GABRB1: variants seen among roughly 807,000 people sequenced by gnomAD.
The protein encoded by GABRB1 is gamma-aminobutyric acid receptor subunit beta-1.
In GABRB1, 17 loss-of-function variants were observed where a neutral mutation model predicts 51.6. The ratio of observed to expected loss-of-function variants is 0.33; its 90% CI spans 0.23 to 0.49. The LOEUF is 0.49. Among genes scored for constraint, GABRB1 ranks in the 20% least tolerant of loss-of-function variants. The pLI is 0.99. For synonymous variants in GABRB1, 247 were observed against 218.9 expected (o/e 1.13, Z -1.14); for missense variants, 410 against 600.6 (o/e 0.68, Z 3.32).
At chr4:47,206,866 A>ATG (rs753576071) in intron 4 of GABRB1, among the ~76,000 whole-genome samples, 1 of 151,414 alleles carries the variant, frequency 6.6e-6, no homozygotes, top group East Asian at 1.9e-4. Flanking sequence ...ATGTATATAT[A>ATG]TGTGTGTGTG....
At chr4:47,067,555 T>C (rs1727141787) in intron 3 of GABRB1, among the ~76,000 whole-genome samples, 1 of 152,196 alleles carries the variant, frequency 6.6e-6, no homozygotes, top group Non-Finnish European at 1.5e-5. Context: ...CTTGCTGCTT[T>C]ACTTTGGACT....
intron 5 of GABRB1, among the ~76,000 whole-genome samples, chr4:47,387,664 C>T (rs1727846220): frequency 6.6e-6 from 1 of 152,190 alleles, no homozygotes; most frequent in South Asian, 2.1e-4. Context: ...AGTGACTAGA[C>T]TTTGCTAGCC....
intron 8 of GABRB1, among the ~76,000 whole-genome samples, chr4:47,412,995 C>G (rs1295627391): frequency 2.6e-5 from 4 of 152,182 alleles, no homozygotes; most frequent in African/African-American, 9.7e-5. Flanking sequence ...CTGTACTGTA[C>G]TCGGGTGAAA....
At chr4:47,007,522 A>T (rs1188223278) in intron 1 of GABRB1, among the ~76,000 whole-genome samples, 1 of 152,216 alleles carries the variant, frequency 6.6e-6, no homozygotes, top group African/African-American at 2.4e-5. Flanking sequence ...CTTCACTGAC[A>T]TAGAGAGAAT....
At chr4:47,296,336 C>T (rs1723991944) in intron 4 of GABRB1, among the ~76,000 whole-genome samples, 1 of 152,022 alleles carries the variant, frequency 6.6e-6, no homozygotes, top group Non-Finnish European at 1.5e-5. Flanking sequence ...GAGTCAAGAC[C>T]CATCAGTGTG....
chr4:47,250,935 A>C (rs1225833334), intron 4 of GABRB1, among the ~76,000 whole-genome samples: 2 of 151,676 alleles, frequency 1.3e-5, no homozygotes, highest in Non-Finnish European at 2.9e-5. Context: ...TAACCTCCTC[A>C]TTCTTTTTCA....
chr4:47,395,259 G>C (rs1728142137), intron 5 of GABRB1, among the ~76,000 whole-genome samples: 1 of 152,136 alleles, frequency 6.6e-6, no homozygotes, highest in African/African-American at 2.4e-5. Flanking sequence ...CAAAGGCTTG[G>C]AGGCCTCAGG....
At chr4:47,046,549 C>T (rs1726099497) in intron 3 of GABRB1, among the ~76,000 whole-genome samples, 1 of 151,924 alleles carries the variant, frequency 6.6e-6, no homozygotes, top group Admixed American at 6.6e-5. Context: ...CCACTAATGG[C>T]ACCAAAAAAG....
intron 1 of GABRB1, among the ~76,000 whole-genome samples, chr4:47,025,556 T>C (rs148207414): frequency 0.021 from 3,210 of 152,038 alleles, 53 homozygotes; most frequent in Non-Finnish European, 0.035. Flanking sequence ...ACTGTCACTA[T>C]GTCATATTCT....
In GABRB1 at chr4:47,398,018, C is replaced by T. The variant is rs1728238301; in HGVS notation, c.545-5300C>T. 4.6e-5 allele frequency among the ~76,000 whole-genome samples: 7 copies of T among 152,278 alleles called. No homozygotes were observed. In the South Asian group the frequency reaches 1.4e-3, roughly 32 times the overall value. On this transcript the variant is annotated intron_variant, in intron 5 of 8. Transcript: ENST00000295454. ...AACTTACGATGTTGAGTTTTCCTTT[C>T]AAAAATATGCTATGCCTTTTATTTG...
rs79342677 is a variant in GABRB1 at position 47,347,595 on chromosome 4, T to C, written c.544+27386T>C. The stretch of plus-strand genomic sequence containing the variant: ...CTATGATTATGTTAAGTAATGCTGA[T>C]GAACAAAGTGTTAAGTTTGAAAGAT... On this transcript the variant is annotated intron_variant, in intron 5 of 8. Transcript: ENST00000295454. Among the ~76,000 whole-genome samples the C allele has an allele frequency of 8.4e-3, 1,271 of 152,196 alleles. 17 individuals are homozygous for C. The highest frequency in any genetic ancestry group is 0.029 in the African/African-American group (1,207 of 41,520).
At chr4:47,132,602 G>T (rs982193914) in intron 3 of GABRB1, among the ~76,000 whole-genome samples, 1 of 152,064 alleles carries the variant, frequency 6.6e-6, no homozygotes, top group Admixed American at 6.6e-5. Context: ...AGGTACAATT[G>T]TATTGCAATG....
chr4:47,096,330 G>C (rs1205782912), intron 3 of GABRB1, among the ~76,000 whole-genome samples: 1 of 152,160 alleles, frequency 6.6e-6, no homozygotes, highest in East Asian at 1.9e-4. Flanking sequence ...GAAGTACAAA[G>C]TCCTGGAAAT....
At chr4:47,325,954 T>C (rs1376664646) in intron 5 of GABRB1, among the ~76,000 whole-genome samples, 1 of 152,190 alleles carries the variant, frequency 6.6e-6, no homozygotes, top group Non-Finnish European at 1.5e-5. Flanking sequence ...AGAGTCCTCA[T>C]GAATGGGAAA....
chr4:47,218,648 A>G (rs1420485284), intron 4 of GABRB1, among the ~76,000 whole-genome samples: 2 of 151,820 alleles, frequency 1.3e-5, no homozygotes, highest in African/African-American at 2.4e-5. Context: ...AGAAATGTCT[A>G]TTCAGATGGC....
intron 4 of GABRB1, among the ~76,000 whole-genome samples, chr4:47,209,798 G>A (rs1720282028): frequency 6.9e-6 from 1 of 145,064 alleles, no homozygotes; most frequent in East Asian, 2.2e-4. Context: ...GGGTACTTTA[G>A]TAAAAAAAAA....
Position 47,044,710 on chromosome 4 carries a change from G to T in GABRB1, c.240+12226G>T, listed in dbSNP as rs765024050. Among the ~76,000 whole-genome samples, 3 of 151,962 alleles carry T rather than the reference G, an allele frequency of 2.0e-5. No homozygotes were observed. In the East Asian group the frequency reaches 5.8e-4, roughly 29 times the overall value. On this transcript the variant is annotated intron_variant, in intron 3 of 8. Transcript: ENST00000295454. Reference sequence around the variant, plus strand: ...CCTCTTTAATGCCAAGACACCAGGGGTAACATTAACTCACATTATGCATAT... The same window carrying T: ...CCTCTTTAATGCCAAGACACCAGGGTTAACATTAACTCACATTATGCATAT...
chr4:47,221,670 G>GA (rs1720768477), intron 4 of GABRB1, among the ~76,000 whole-genome samples: 2 of 151,954 alleles, frequency 1.3e-5, no homozygotes, highest in African/African-American at 4.8e-5. Flanking sequence ...ATTGCTCTTA[G>GA]AAAAAATGCA....
chr4:47,029,174 A>G (rs1161602756), upstream of GABRB1, among the ~76,000 whole-genome samples: 1 of 151,964 alleles, frequency 6.6e-6, no homozygotes, highest in Non-Finnish European at 1.5e-5. Context: ...GCATGAGTTT[A>G]TCACTAGGGT....
Sources: gnomAD v4.1 joint callset for allele counts (sites outside exome capture counted in the v4.1 genomes callset) on GRCh38, gnomAD v4.1.1 for gene constraint, MANE v1.5 for transcripts, NCBI Gene and HGNC (gene_info 2026-07-23, HGNC 2026-07-21) for gene names.